Variants in PRKG1 observed in about 807,000 individuals in gnomAD.
PRKG1 encodes the protein cGMP-dependent protein kinase 1.
PRKG1 carries 35 observed loss-of-function variants against 88.1 expected under a neutral mutation model. The ratio of observed to expected loss-of-function variants is 0.40; its 90% CI spans 0.30 to 0.53. The LOEUF is 0.53. Among genes scored for constraint, PRKG1 ranks in the 20% least tolerant of loss-of-function variants. The probability of loss-of-function intolerance (pLI) is 0.59; values close to 1 mark genes in which losing one functional copy is unlikely to be tolerated. For missense variants in PRKG1, 540 were observed against 839.8 expected (o/e 0.64, Z 4.41); for synonymous variants, 303 against 292.5 (o/e 1.04, Z -0.37).
chr10:51,601,751 T>G (rs1431011681), intron 3 of PRKG1, among the ~76,000 whole-genome samples: 30 of 119,052 alleles, frequency 2.5e-4, no homozygotes, highest in African/African-American at 1.1e-3. Flanking sequence ...TTTTTTTTTT[T>G]TTTTTTTTTT....
Position 51,800,256 on chromosome 10 carries a change from C to T in PRKG1, c.593-4329C>T, listed in dbSNP as rs551032362. On this transcript the variant is annotated intron_variant, in intron 3 of 17. Transcript: ENST00000373980. The stretch of plus-strand genomic sequence containing the variant: ...AGTTCCATTGACAGATGTTTTGGAG[C>T]TCCATAGATGCCAGATTTCTTAGTC... 1.7e-4 allele frequency among the ~76,000 whole-genome samples: 26 copies of T among 152,194 alleles called. No homozygotes were observed. In the South Asian group the frequency reaches 1.9e-3, roughly 11 times the overall value.
chr10:51,465,194 G>T (rs1389852437), intron 2 of PRKG1, among the ~76,000 whole-genome samples: 3 of 151,958 alleles, frequency 2.0e-5, no homozygotes. Flanking sequence ...CTGATGTAAT[G>T]GGTCCATAGA....
intron 2 of PRKG1, among the ~76,000 whole-genome samples, chr10:51,252,322 CATACCAACACAGAGATAAGTACTT>C (rs1839447903): frequency 6.6e-6 from 1 of 151,782 alleles, no homozygotes; most frequent in African/African-American, 2.4e-5. Context: ...ACTATAAATA[CATACCAACACAGAGATAAGTACTT>C]ATCAAACACT....
intron 9 of PRKG1, among the ~76,000 whole-genome samples, chr10:52,203,954 G>A (rs1013157935): frequency 2.0e-5 from 3 of 152,046 alleles, no homozygotes; most frequent in Admixed American, 1.3e-4. Context: ...ATACAGTTGG[G>A]TCTTGCTTCT....
At chr10:52,075,343 A>T (rs1319058283) in intron 7 of PRKG1, among the ~76,000 whole-genome samples, 1 of 152,244 alleles carries the variant, frequency 6.6e-6, no homozygotes, top group East Asian at 1.9e-4. Flanking sequence ...GCTCACCGCA[A>T]TCCCAATCAA....
chr10:52,057,951 A>G (rs1426703858), intron 6 of PRKG1, among the ~76,000 whole-genome samples: 2 of 152,064 alleles, frequency 1.3e-5, no homozygotes, highest in Non-Finnish European at 2.9e-5. Flanking sequence ...GTGGTACTAG[A>G]CATCCCAAAT....
chr10:51,566,586 G>C (rs546176827), intron 3 of PRKG1, among the ~76,000 whole-genome samples: 15 of 151,950 alleles, frequency 9.9e-5, no homozygotes, highest in Non-Finnish European at 2.2e-4. Context: ...ATGGGGTTGG[G>C]GTGGGCAGGT....
chr10:51,242,970 C>T (rs559897832), intron 2 of PRKG1, among the ~76,000 whole-genome samples: 15 of 152,214 alleles, frequency 9.9e-5, no homozygotes, highest in Middle Eastern at 3.4e-3. Context: ...GCTGGAGACC[C>T]GGTGTAGACA....
At chr10:52,179,070 A>G (rs1210076388) in intron 9 of PRKG1, among the ~76,000 whole-genome samples, 6 of 145,432 alleles carry the variant, frequency 4.1e-5, no homozygotes, top group South Asian at 2.2e-4. Flanking sequence ...GTTGTTTTGT[A>G]TATCCTTTGT....
At chr10:52,017,278 G>A (rs1037038888) in intron 5 of PRKG1, among the ~76,000 whole-genome samples, 1 of 152,130 alleles carries the variant, frequency 6.6e-6, no homozygotes, top group Non-Finnish European at 1.5e-5. Flanking sequence ...GCATTATGGA[G>A]ATTTTACTGT....
chr10:52,264,344 T>A (rs1841513864), intron 10 of PRKG1, among the ~76,000 whole-genome samples: 1 of 152,132 alleles, frequency 6.6e-6, no homozygotes, highest in Non-Finnish European at 1.5e-5. Flanking sequence ...TCTAATAGGA[T>A]AAGATACTCA....
At chr10:51,951,488 G>A (rs1325156392) in intron 5 of PRKG1, among the ~76,000 whole-genome samples, 1 of 152,000 alleles carries the variant, frequency 6.6e-6, no homozygotes, top group Non-Finnish European at 1.5e-5. Context: ...TTTTGGATAT[G>A]GCCTGAATAG....
At chr10:51,383,037 A>G (rs2132632477) in intron 2 of PRKG1, among the ~76,000 whole-genome samples, 1 of 152,242 alleles carries the variant, frequency 6.6e-6, no homozygotes, top group South Asian at 2.1e-4. Context: ...CCAATTCACT[A>G]GCAAAGCAGA....
intron 4 of PRKG1, among the ~76,000 whole-genome samples, chr10:51,832,129 G>A (rs780022110): frequency 1.3e-5 from 2 of 152,100 alleles, no homozygotes; most frequent in African/African-American, 2.4e-5. Context: ...TTACATAAAA[G>A]TAGTGCTGAT....
At chr10:52,165,171 G>A (rs748521802) in intron 9 of PRKG1, among the ~76,000 whole-genome samples, 33 of 152,178 alleles carry the variant, frequency 2.2e-4, no homozygotes, top group South Asian at 6.2e-4. Context: ...AGGAGTTATC[G>A]TTGTGTCTTA....
chr10:52,102,929 A>T (rs758342850), intron 7 of PRKG1, among the ~76,000 whole-genome samples: 1 of 152,204 alleles, frequency 6.6e-6, no homozygotes, highest in African/African-American at 2.4e-5. Context: ...ATGGACTGTT[A>T]CTGATCTGTG....
chr10:51,504,775 C>G (rs182676612), intron 3 of PRKG1, among the ~76,000 whole-genome samples: 2 of 152,098 alleles, frequency 1.3e-5, no homozygotes, highest in Non-Finnish European at 2.9e-5. Flanking sequence ...CTCTGTTTGT[C>G]TGTTATTGAT....
chr10:52,003,333 T>C (rs1254839018), intron 5 of PRKG1, among the ~76,000 whole-genome samples: 2 of 152,212 alleles, frequency 1.3e-5, no homozygotes, highest in South Asian at 2.1e-4. Context: ...TATTTTGAGT[T>C]TGTGTTCTTT....
At chr10:51,517,861 G>A (rs1019935270) in intron 3 of PRKG1, among the ~76,000 whole-genome samples, 4 of 152,182 alleles carry the variant, frequency 2.6e-5, no homozygotes, top group Non-Finnish European at 5.9e-5. Context: ...TAGGGATTGA[G>A]CTGACTCAGG....
Sources: allele counts gnomAD v4.1 joint callset (sites outside exome capture counted in the v4.1 genomes callset), GRCh38; gene constraint gnomAD v4.1.1; transcripts MANE v1.5; gene names NCBI Gene and HGNC (gene_info 2026-07-23, HGNC 2026-07-21).